The following PPARGC1A variants were observed in gnomAD, a reference collection of about 807,000 sequenced individuals.
The protein encoded by PPARGC1A is peroxisome proliferator-activated receptor gamma coactivator 1-alpha.
Under a neutral mutation model 88.7 loss-of-function variants are expected in PPARGC1A, and 25 were observed. The observed-to-expected ratio is 0.28, with a 90% CI of 0.21 to 0.39. The LOEUF (loss-of-function observed/expected upper bound fraction) is 0.39. Among genes scored for constraint, PPARGC1A ranks in the 10% least tolerant of loss-of-function variants. The pLI is 1.00. For missense variants in PPARGC1A, 880 were observed against 968.7 expected (o/e 0.91, Z 1.22); for synonymous variants, 363 against 355.6 (o/e 1.02, Z -0.24).
intron 2 of PPARGC1A, among the ~76,000 whole-genome samples, chr4:23,838,349 G>A (rs1282335890): frequency 6.6e-6 from 1 of 152,148 alleles, no homozygotes; most frequent in African/African-American, 2.4e-5. Flanking sequence ...ACTCCCACAT[G>A]TAATGACTGA....
chr4:24,162,292 A>G, the PPARGC1A span, among the ~76,000 whole-genome samples: 1 of 152,150 alleles, frequency 6.6e-6, no homozygotes, highest in Non-Finnish European at 1.5e-5. Flanking sequence ...TGGGTGCACA[A>G]AAATCTCACA....
chr4:24,197,612 T>TC, the PPARGC1A span, among the ~76,000 whole-genome samples: 1 of 152,204 alleles, frequency 6.6e-6, no homozygotes, highest in African/African-American at 2.4e-5. Flanking sequence ...ATCTGAATCA[T>TC]CCTATTCTGT....
chr4:24,128,531 AGTGTGTGTGTGTGTGTGTGTGTGTGTGT>A, the PPARGC1A span, among the ~76,000 whole-genome samples: 17 of 138,276 alleles, frequency 1.2e-4, 1 homozygote, highest in East Asian at 2.9e-3. Context: ...AGCCTGTCAC[AGTGTGTGTGTGTGTGTGTGTGTGTGTGT>A]GTGTGTGTGT....
the PPARGC1A span, among the ~76,000 whole-genome samples, chr4:24,018,495 G>GA: frequency 6.6e-6 from 1 of 151,870 alleles, no homozygotes; most frequent in Non-Finnish European, 1.5e-5. Flanking sequence ...TGAGGGTGAT[G>GA]AGGGGGGGCA....
the PPARGC1A span, among the ~76,000 whole-genome samples, chr4:24,452,288 C>G: frequency 5.3e-5 from 8 of 151,924 alleles, no homozygotes; most frequent in African/African-American, 1.9e-4. Context: ...CACACGCACA[C>G]ATGCACCCTA....
At chr4:24,429,374 C>A in the PPARGC1A span, among the ~76,000 whole-genome samples, 1,314 of 152,214 alleles carry the variant, frequency 8.6e-3, 17 homozygotes, top group African/African-American at 0.03. Flanking sequence ...ATGAGTTGGT[C>A]TCCTGCGTCA....
the PPARGC1A span, among the ~76,000 whole-genome samples, chr4:24,168,642 G>GAC: frequency 0.14 from 20,439 of 148,066 alleles, 1,899 homozygotes; most frequent in African/African-American, 0.28. Flanking sequence ...CACAGACATA[G>GAC]ACACACACAC....
chr4:24,358,765 T>C, the PPARGC1A span, among the ~76,000 whole-genome samples: 1 of 152,212 alleles, frequency 6.6e-6, no homozygotes, highest in South Asian at 2.1e-4. Flanking sequence ...CCACCAGGTG[T>C]GGCCAGATCA....
chr4:24,206,925 T>C, the PPARGC1A span, among the ~76,000 whole-genome samples: 2 of 151,742 alleles, frequency 1.3e-5, no homozygotes, highest in Admixed American at 6.6e-5. Flanking sequence ...CTTTGATTTT[T>C]ATATTTTTCT....
At chr4:23,805,751 C>A (rs1295746840) in intron 10 of PPARGC1A, among the ~76,000 whole-genome samples, 1 of 151,836 alleles carries the variant, frequency 6.6e-6, no homozygotes, top group Non-Finnish European at 1.5e-5. Flanking sequence ...TTTTAATGAG[C>A]CTTTTAGAAA....
At chr4:23,895,768 A>G (rs1443098902) in intron 1 of PPARGC1A, among the ~76,000 whole-genome samples, 1 of 152,134 alleles carries the variant, frequency 6.6e-6, no homozygotes, top group African/African-American at 2.4e-5. Flanking sequence ...AAAACCTCAT[A>G]GACCTAGAAC....
the PPARGC1A span, among the ~76,000 whole-genome samples, chr4:24,305,952 G>A: frequency 0.012 from 1,861 of 152,212 alleles, 43 homozygotes; most frequent in African/African-American, 0.043. Context: ...ATCTGAAGAT[G>A]GGCTGAAGGA....
the PPARGC1A span, among the ~76,000 whole-genome samples, chr4:24,186,128 G>C: frequency 1.3e-5 from 2 of 152,154 alleles, no homozygotes; most frequent in African/African-American, 4.8e-5. Flanking sequence ...ACTGTGTGCA[G>C]ATGGGAGACT....
At chr4:24,300,708 G>A in the PPARGC1A span, among the ~76,000 whole-genome samples, 8 of 151,882 alleles carry the variant, frequency 5.3e-5, no homozygotes, top group Admixed American at 1.3e-4. Context: ...GATCACCAAC[G>A]TACCCAGTTG....
the PPARGC1A span, among the ~76,000 whole-genome samples, chr4:24,049,127 CATGTGTGTGCGT>C: frequency 6.6e-6 from 1 of 150,796 alleles, no homozygotes; most frequent in South Asian, 2.1e-4. Flanking sequence ...TACACACATA[CATGTGTGTGCGT>C]ATGTGTGTGT....
the PPARGC1A span, among the ~76,000 whole-genome samples, chr4:24,235,057 T>A: frequency 6.6e-6 from 1 of 152,124 alleles, no homozygotes; most frequent in South Asian, 2.1e-4. Context: ...ACACCAGTAA[T>A]CTTATTTTAG....
At chr4:24,006,884 T>C in the PPARGC1A span, among the ~76,000 whole-genome samples, 2 of 152,190 alleles carry the variant, frequency 1.3e-5, no homozygotes, top group Non-Finnish European at 2.9e-5. Flanking sequence ...GACTGCATTC[T>C]TCAACCCACC....
chr4:24,434,167 C>A, the PPARGC1A span, among the ~76,000 whole-genome samples: 1 of 152,206 alleles, frequency 6.6e-6, no homozygotes, highest in African/African-American at 2.4e-5. Context: ...ATATAAACAA[C>A]AGATGACAGA....
At chr4:24,129,741 C>T in the PPARGC1A span, among the ~76,000 whole-genome samples, 1 of 152,086 alleles carries the variant, frequency 6.6e-6, no homozygotes, top group African/African-American at 2.4e-5. Context: ...GACTTGCAAC[C>T]AACCCAAATG....
Sources: gnomAD v4.1 joint callset for allele counts (sites outside exome capture counted in the v4.1 genomes callset) on GRCh38, gnomAD v4.1.1 for gene constraint, MANE v1.5 for transcripts, NCBI Gene and HGNC (gene_info 2026-07-23, HGNC 2026-07-21) for gene names.